BTG4: variants seen among roughly 807,000 people sequenced by gnomAD.
BTG4 encodes BTG anti-proliferation factor 4.
BTG4 carries 10 observed loss-of-function variants against 19.3 expected under a neutral mutation model. That is an observed-to-expected ratio of 0.52 (90% CI 0.32 to 0.88). The LOEUF (loss-of-function observed/expected upper bound fraction) is 0.88, where lower values mean the gene tolerates loss of function less well. Among genes scored for constraint, BTG4 ranks in the 40% least tolerant of loss-of-function variants. BTG4 has a pLI of 0.04. For missense variants in BTG4, 238 were observed against 281.9 expected (o/e 0.84, Z 1.11); for synonymous variants, 91 against 95.7 (o/e 0.95, Z 0.29).
intron 5 of BTG4, among the ~76,000 whole-genome samples, chr11:111,470,894 A>T (rs1230477923): frequency 6.6e-6 from 1 of 152,216 alleles, no homozygotes; most frequent in Non-Finnish European, 1.5e-5. Context: ...ACACCACTGC[A>T]CTCTAGCCTG....
intron 1 of BTG4, among the ~76,000 whole-genome samples, chr11:111,506,161 AG>A (rs1221812454): frequency 6.6e-6 from 1 of 152,192 alleles, no homozygotes; most frequent in Non-Finnish European, 1.5e-5. Context: ...TATATCAAAA[AG>A]ATACTTGTAC....
the BTG4 span, among the ~76,000 whole-genome samples, chr11:111,402,316 G>A: frequency 3.5e-3 from 527 of 152,112 alleles, 24 homozygotes; most frequent in Admixed American, 0.033. Flanking sequence ...ACCCAGTCTC[G>A]GGTATGTCTT....
chr11:111,412,310 G>A, the BTG4 span, among the ~76,000 whole-genome samples: 2 of 152,176 alleles, frequency 1.3e-5, no homozygotes, highest in African/African-American at 4.8e-5. Context: ...ATCCATCTTG[G>A]AACTACTTGA....
In BTG4 at chr11:111,480,735, A is replaced by T. The variant is rs886776682; in HGVS notation, c.663-13054T>A. On this transcript the variant is annotated intron_variant, in intron 5 of 5. Coordinates refer to the BTG4 transcript ENST00000356018. ...TAAAGAAGTCTTAGGGAAATAAAAG[A>T]TACATTGAAATGAATATCAAAGAAA... Among the ~76,000 whole-genome samples the T allele has an allele frequency of 1.3e-4, 19 of 151,980 alleles. 1 individual carries two copies. The highest frequency in any genetic ancestry group is 2.7e-4 in the Non-Finnish European group (18 of 67,914).
downstream of BTG4, among the ~76,000 whole-genome samples, chr11:111,494,252 A>G (rs934630282): frequency 1.2e-4 from 19 of 152,312 alleles, no homozygotes; most frequent in Admixed American, 1.2e-3. Flanking sequence ...GACAGCTACT[A>G]AATGGCTTAA....
chr11:111,437,042 G>A, the BTG4 span, among the ~76,000 whole-genome samples: 6 of 152,122 alleles, frequency 3.9e-5, no homozygotes, highest in Admixed American at 3.9e-4. Flanking sequence ...AACCCAAGTC[G>A]CAGACAATAT....
the BTG4 span, chr11:111,415,901 G>C: frequency 6.6e-6 from 1 of 152,048 alleles, no homozygotes; most frequent in South Asian, 2.1e-4. Context: ...AAAAATAGCT[G>C]GGTGCAGTGG....
the BTG4 span, among the ~76,000 whole-genome samples, chr11:111,432,856 T>G: frequency 6.7e-6 from 1 of 150,186 alleles, no homozygotes. Context: ...GTAATATATC[T>G]TTTTTTTTTC....
chr11:111,427,201 C>G, the BTG4 span, among the ~76,000 whole-genome samples: 2 of 152,262 alleles, frequency 1.3e-5, no homozygotes, highest in South Asian at 4.1e-4. Flanking sequence ...AGTTCTCTAC[C>G]CATCTCAGCT....
At chr11:111,473,135 G>A (rs1166864689) in intron 5 of BTG4, among the ~76,000 whole-genome samples, 1 of 151,544 alleles carries the variant, frequency 6.6e-6, no homozygotes, top group Admixed American at 6.6e-5. Flanking sequence ...TGTGGAGCTG[G>A]AATGTTAGTC....
At chr11:111,441,099 G>C in the BTG4 span, among the ~76,000 whole-genome samples, 2 of 148,832 alleles carry the variant, frequency 1.3e-5, no homozygotes, top group African/African-American at 4.9e-5. Context: ...GCCAGGGCCA[G>C]AGACCGCTCT....
At chr11:111,475,562 A>T (rs1276194093) in intron 5 of BTG4, among the ~76,000 whole-genome samples, 1 of 152,170 alleles carries the variant, frequency 6.6e-6, no homozygotes, top group Non-Finnish European at 1.5e-5. Flanking sequence ...AACACCACAA[A>T]GAGATAAGCA....
chr11:111,469,961 T>C (rs928871674), intron 5 of BTG4: 1 of 152,678 alleles, frequency 6.5e-6, no homozygotes, highest in Non-Finnish European at 1.5e-5. Context: ...TGTATCTCCC[T>C]TGGAGCCAGA....
At position 111,502,518 on chromosome 11, in the gene BTG4, T is replaced by C. The variant is rs538376419; in HGVS notation, c.-26-3716A>G. The stretch of plus-strand genomic sequence containing the variant: ...TCTAGCCATTTGCTAGGGTAACTTT[T>C]GCAAAGATTATTTTTTAAAATTTAT... On this transcript the variant is annotated intron_variant, in intron 1 of 4. Transcript: ENST00000692032. Among the ~76,000 whole-genome samples the C allele has an allele frequency of 1.6e-4, 24 of 152,350 alleles. 1 individual carries two copies. The South Asian group carries it at 3.1e-3, about 20-fold the overall frequency.
At chr11:111,449,268 AC>A in the BTG4 span, 1 of 151,946 alleles carries the variant, frequency 6.6e-6, no homozygotes, top group South Asian at 2.1e-4. Flanking sequence ...GGCATGGTTC[AC>A]CACAACGAAG....
At chr11:111,489,884 T>C (rs146375331), downstream of BTG4, among the ~76,000 whole-genome samples, 1 of 152,198 alleles carries the variant, frequency 6.6e-6, no homozygotes, top group African/African-American at 2.4e-5. Context: ...TGGGGATTGT[T>C]AGTGGGTACA....
chr11:111,501,422 A>AT (rs2135702758), intron 1 of BTG4, among the ~76,000 whole-genome samples: 1 of 152,322 alleles, frequency 6.6e-6, no homozygotes, highest in East Asian at 1.9e-4. Flanking sequence ...TGAAATACAT[A>AT]TATTAGGTAG....
At chr11:111,392,627 C>T in the BTG4 span, among the ~76,000 whole-genome samples, 953 of 152,266 alleles carry the variant, frequency 6.3e-3, 5 homozygotes, top group African/African-American at 0.021. Flanking sequence ...ATGTGAGAAC[C>T]ACAGCCTTAT....
At chr11:111,486,668 A>T (rs564470365) in intron 5 of BTG4, among the ~76,000 whole-genome samples, 17 of 152,180 alleles carry the variant, frequency 1.1e-4, no homozygotes, top group Non-Finnish European at 1.9e-4. Context: ...ATTCAATAGC[A>T]CATTAAAAAA....
Sources: gnomAD v4.1 joint callset for allele counts (sites outside exome capture counted in the v4.1 genomes callset) on GRCh38, gnomAD v4.1.1 for gene constraint, MANE v1.5 for transcripts, NCBI Gene and HGNC (gene_info 2026-07-23, HGNC 2026-07-21) for gene names.